The following ASXL1 variants were observed in gnomAD, a reference collection of about 807,000 sequenced individuals.
ASXL1 encodes ASXL transcriptional regulator 1, also known as polycomb group protein ASXL1.
ASXL1 carries 65 observed loss-of-function variants against 89.1 expected under a neutral mutation model. The ratio of observed to expected loss-of-function variants is 0.73; its 90% CI spans 0.60 to 0.90. ASXL1 has a LOEUF of 0.90. ASXL1 is among the 40% of genes least tolerant of loss of function. The probability of loss-of-function intolerance (pLI) is 0.00; values close to 1 mark genes in which losing one functional copy is unlikely to be tolerated. For synonymous variants in ASXL1, 739 were observed against 746.9 expected, an observed-to-expected ratio of 0.99 and a Z score of 0.17; for missense variants, 1,786 against 1,942.9, an observed-to-expected ratio of 0.92 and a Z score of 1.52.
At chr20:32,376,222 GTTATTTTATTTTATTTTTATT>G (rs2048375360) in intron 4 of ASXL1, among the ~76,000 whole-genome samples, 1 of 152,022 alleles carries the variant, frequency 6.6e-6, no homozygotes, top group African/African-American at 2.4e-5. Flanking sequence ...GAAGACACCA[GTTATTTTATTTTATTTTTATT>G]TTATTTTATT....
At chr20:32,368,101 G>A (rs917410212) in intron 3 of ASXL1, among the ~76,000 whole-genome samples, 1 of 152,108 alleles carries the variant, frequency 6.6e-6, no homozygotes, top group African/African-American at 2.4e-5. Flanking sequence ...TTCTAGTTCT[G>A]AAAAATGCAA....
chr20:32,369,660 A>G (rs189506854), intron 4 of ASXL1, among the ~76,000 whole-genome samples: 8 of 146,962 alleles, frequency 5.4e-5, no homozygotes, highest in African/African-American at 7.5e-5. Context: ...TTTCTTGTCT[A>G]TATCTTTGTA....
intron 4 of ASXL1, among the ~76,000 whole-genome samples, chr20:32,414,202 G>GAGAAACAGA (rs2049097734): frequency 6.6e-6 from 1 of 152,064 alleles, no homozygotes. Context: ...GGAAACTGGA[G>GAGAAACAGA]TCTTCTCATT....
intron 4 of ASXL1, among the ~76,000 whole-genome samples, chr20:32,414,672 G>A (rs1229270568): frequency 2.0e-5 from 3 of 152,044 alleles, no homozygotes; most frequent in Non-Finnish European, 2.9e-5. Flanking sequence ...ATAACAATGT[G>A]CTTAAATAGC....
At position 32,436,273 on chromosome 20, in the gene ASXL1, T is replaced by A. The variant is rs1328964941; in HGVS notation, c.3561T>A (p.Gly1187=). ...CAGATAGCTGTGAAACAGGCACTGG[T>A]CTTGCCAGGATTGAGGCCACCCAGG... ...LLPDSCETGT[G]LARIEATQAP... is the part of the protein sequence containing the mutation. The change falls in exon 13 of 13, where the codon GGT becomes GGA. Residue 1187 remains glycine (G), a synonymous_variant. Transcript: ENST00000375687. 2.5e-6 allele frequency: 4 copies of A among 1,614,062 alleles called. No homozygotes were observed. The African/African-American group carries it at 5.3e-5, about 22-fold the overall frequency.
chr20:32,437,800 G>T lies in ASXL1; in HGVS notation c.*462G>T. 3.8e-6 allele frequency: 1 copy of T among 261,676 alleles called. No individual in the cohort carries two copies. Among genetic ancestry groups the T allele is most frequent in the Non-Finnish European group, 7.4e-6 (1 of 135,168 alleles). 16.2% of individuals were successfully genotyped at this position (261,676 alleles called of 1,614,324 possible). On this transcript the variant is annotated 3_prime_UTR_variant, in exon 13 of 13. Coordinates refer to ENST00000375687, the MANE Select transcript of ASXL1 (RefSeq NM_015338.6). ...ATGGCCAGGAAAGAAGCCAGCACAGGGTTAAAGTAACTCCTGGCATTGCCC... is the reference window on the plus strand; with the variant it reads ...ATGGCCAGGAAAGAAGCCAGCACAGTGTTAAAGTAACTCCTGGCATTGCCC...
chr20:32,415,311 C>T (rs949007658), intron 4 of ASXL1, among the ~76,000 whole-genome samples: 20 of 152,154 alleles, frequency 1.3e-4, no homozygotes, highest in Non-Finnish European at 2.4e-4. Flanking sequence ...GCCCAGCCTG[C>T]GTCATGATTT....
At chr20:32,365,857 A>G (rs1235408679) in intron 1 of ASXL1, among the ~76,000 whole-genome samples, 2 of 152,166 alleles carry the variant, frequency 1.3e-5, no homozygotes, top group Non-Finnish European at 2.9e-5. Context: ...AAATATGGGT[A>G]CTTGGCCAGG....
intron 8 of ASXL1, 132 bp from the exon 9 acceptor site, chr20:32,431,189 T>C: frequency 9.3e-7 from 1 of 1,077,426 alleles, no homozygotes; most frequent in South Asian, 1.3e-5. Context: ...TAGGATGGAC[T>C]GGACAATTGA....
intron 4 of ASXL1, among the ~76,000 whole-genome samples, chr20:32,408,280 G>A (rs1026621242): frequency 8.6e-5 from 13 of 152,020 alleles, no homozygotes; most frequent in Admixed American, 7.9e-4. Flanking sequence ...TCAGGTTTGC[G>A]TTTTTACGTG....
chr20:32,430,150 A>G, intron 8 of ASXL1, 97 bp downstream of exon 8: 1 of 1,438,382 alleles, frequency 7.0e-7, no homozygotes, highest in Non-Finnish European at 9.2e-7. Flanking sequence ...TTACCAGTTT[A>G]TTTTTACTTC....
At chr20:32,363,553 C>T (rs1165337097) in intron 1 of ASXL1, among the ~76,000 whole-genome samples, 1 of 152,192 alleles carries the variant, frequency 6.6e-6, no homozygotes, top group Non-Finnish European at 1.5e-5. Flanking sequence ...ACAGATATCC[C>T]AGTTGCTGCC....
At chr20:32,420,270 G>A (rs1013262351) in intron 4 of ASXL1, among the ~76,000 whole-genome samples, 4 of 151,954 alleles carry the variant, frequency 2.6e-5, no homozygotes, top group African/African-American at 9.7e-5. Flanking sequence ...TCTCCTAAGA[G>A]ATAGTACTTA....
intron 4 of ASXL1, among the ~76,000 whole-genome samples, chr20:32,393,503 G>A (rs1031759860): frequency 3.3e-5 from 5 of 151,784 alleles, no homozygotes; most frequent in African/African-American, 7.3e-5. Context: ...ATGGAGTCTC[G>A]CCCTGTCGCC....
chr20:32,392,959 G>A (rs1249908218), intron 4 of ASXL1, among the ~76,000 whole-genome samples: 1 of 152,174 alleles, frequency 6.6e-6, no homozygotes, highest in African/African-American at 2.4e-5. Flanking sequence ...GTTAGGTAGA[G>A]CATTCTATTA....
At chr20:32,365,930 G>A (rs2048196609) in intron 1 of ASXL1, among the ~76,000 whole-genome samples, 1 of 152,060 alleles carries the variant, frequency 6.6e-6, no homozygotes, top group African/African-American at 2.4e-5. Flanking sequence ...ATCACCTGAG[G>A]TCAGGAGTTC....
rs545224250 is a variant in ASXL1 at position 32,433,636 on chromosome 20, G to A, written c.1438G>A (p.Glu480Lys). The change falls in exon 12 of 13, where the codon GAA becomes AAA. Residue 480 changes from glutamate (E) to lysine (K), a missense_variant. Around this residue, in one of 3 missense-constraint regions of ASXL1, gnomAD observed 1,418 missense variants for 1,427.8 expected, o/e 0.99. Transcript: ENST00000375687. Reference protein sequence around the residue: ...SSAAPDLEGPEFPVESVASRI... With the variant: ...SSAAPDLEGPKFPVESVASRI... ...TGCAGCACCCGACCTGGAGGGTCCC[G>A]AATTCCCAGTTGAGTCTGTGGCTTC... The A allele has an allele frequency of 3.1e-5, 50 of 1,612,766 alleles. No individual in the cohort carries two copies. The highest frequency in any genetic ancestry group is 8.9e-5 in the East Asian group (4 of 44,856).
In ASXL1 at chr20:32,429,625, C is replaced by G; in HGVS notation, c.565+194C>G. 1.4e-6 allele frequency: 1 copy of G among 731,570 alleles called. No homozygotes were observed. The highest frequency in any genetic ancestry group is 2.3e-6 in the Non-Finnish European group (1 of 436,924). The allele number at this position is 731,570 out of a possible 1,614,324, so 45.3% of individuals were successfully genotyped here. A position where few individuals can be genotyped will look rare whatever the true frequency, so the allele number is the denominator to read the frequency against. ...GCTGTGTGCCTTCCTCTTTGTCTCC[C>G]AGGGCAGTCGTGAGGATCCAACGGA... On this transcript the variant is annotated intron_variant, in intron 7 of 12. Coordinates refer to ENST00000375687, the MANE Select transcript of ASXL1 (RefSeq NM_015338.6). The surrounding 1 kb of genome is among the most constrained non-coding windows in gnomAD (Gnocchi z 4.9).
intron 4 of ASXL1, among the ~76,000 whole-genome samples, chr20:32,415,602 C>G (rs1319165814): frequency 6.6e-6 from 1 of 152,190 alleles, no homozygotes; most frequent in Non-Finnish European, 1.5e-5. Flanking sequence ...CCTCCCACTT[C>G]CCTGCGTGCT....
Sources: gnomAD v4.1 joint callset for allele counts (sites outside exome capture counted in the v4.1 genomes callset) on GRCh38, gnomAD v4.1.1 for gene constraint, gnomAD v4.1.1 regional missense constraint, Gnocchi (gnomAD v3.1) non-coding constraint, MANE v1.5 for transcripts, NCBI Gene and HGNC (gene_info 2026-07-23, HGNC 2026-07-21) for gene names.